RASSF3: variants seen among roughly 807,000 people sequenced by gnomAD.
The protein encoded by RASSF3 is Ras association domain family member 3, also known as ras association domain-containing protein 3.
In RASSF3, 19 loss-of-function variants were observed where a neutral mutation model predicts 19.9. The ratio of observed to expected loss-of-function variants is 0.96; its 90% CI spans 0.67 to 1.40. RASSF3 has a LOEUF of 1.40. Ranked by LOEUF, RASSF3 falls within the 40% of genes most tolerant of loss-of-function variation. The pLI is 0.00. For synonymous variants in RASSF3, 110 were observed against 104.2 expected (o/e 1.06, Z -0.34); for missense variants, 306 against 289.8 (o/e 1.06, Z -0.41).
At chr12:64,546,791 A>G (rs74631027) in intron 2 of RASSF3, among the ~76,000 whole-genome samples, 2,267 of 152,252 alleles carry the variant, frequency 0.015, 60 homozygotes, top group African/African-American at 0.051. Context: ...TCTCAACCCA[A>G]TTATAATCCC....
At chr12:64,578,963 G>A (rs925748018) in intron 2 of RASSF3, among the ~76,000 whole-genome samples, 4 of 151,966 alleles carry the variant, frequency 2.6e-5, no homozygotes, top group Non-Finnish European at 5.9e-5. Flanking sequence ...TGACCAACAA[G>A]GTGAAACAAA....
intron 1 of RASSF3, among the ~76,000 whole-genome samples, chr12:64,512,011 C>T (rs564951901): frequency 6.6e-6 from 1 of 152,272 alleles, no homozygotes; most frequent in East Asian, 1.9e-4. Context: ...ATCTGGACAA[C>T]ACAGAAACCC....
intron 2 of RASSF3, among the ~76,000 whole-genome samples, 169 bp from the exon 3 acceptor site, chr12:64,688,047 C>T (rs1366150206): frequency 6.6e-6 from 1 of 152,186 alleles, no homozygotes; most frequent in Admixed American, 6.5e-5. Flanking sequence ...GGTGTGTTAA[C>T]CGCCCTCTGA....
At chr12:64,687,933 C>T (rs1027527115) in intron 2 of RASSF3, among the ~76,000 whole-genome samples, 33 of 152,070 alleles carry the variant, frequency 2.2e-4, no homozygotes, top group Non-Finnish European at 4.3e-4. Flanking sequence ...TTGCCAGTAG[C>T]TTCAGAGGCA....
chr12:64,695,141 A>G lies in RASSF3; in HGVS notation c.*229A>G, dbSNP rs1868336664. The G allele has an allele frequency of 8.7e-6, 4 of 460,434 alleles. No individual in the cohort carries two copies. Among genetic ancestry groups the G allele is most frequent in the Non-Finnish European group, 1.6e-5 (4 of 256,750 alleles). 28.5% of individuals were successfully genotyped at this position (460,434 alleles called of 1,614,324 possible). A position where few individuals can be genotyped will look rare whatever the true frequency, so the allele number is the denominator to read the frequency against. On this transcript the variant is annotated 3_prime_UTR_variant, in exon 5 of 5. Coordinates refer to ENST00000542104, the MANE Select transcript of RASSF3 (RefSeq NM_178169.4). ...AGCACCGCAGTGTTACCTCTTGGCAAGCTGTGAACCTGTCGCCTCATCAGG... is the reference window on the plus strand; with the variant it reads ...AGCACCGCAGTGTTACCTCTTGGCAGGCTGTGAACCTGTCGCCTCATCAGG...
chr12:64,692,400 G>C (rs1868298936), intron 4 of RASSF3, among the ~76,000 whole-genome samples: 2 of 152,182 alleles, frequency 1.3e-5, no homozygotes, highest in South Asian at 4.1e-4. Context: ...TTTAAAATCT[G>C]TTAAGTGGGA....
At chr12:64,551,610 C>A (rs150614141) in intron 2 of RASSF3, among the ~76,000 whole-genome samples, 1 of 152,126 alleles carries the variant, frequency 6.6e-6, no homozygotes, top group Admixed American at 6.5e-5. Context: ...GTAATCATGT[C>A]TACTACTTAG....
At chr12:64,551,332 T>C (rs1210672290) in intron 2 of RASSF3, among the ~76,000 whole-genome samples, 9 of 152,170 alleles carry the variant, frequency 5.9e-5, no homozygotes, top group Non-Finnish European at 1.2e-4. Context: ...CCCAGCACTT[T>C]GGGAGGCTGA....
chr12:64,679,728 G>A (rs141173469), intron 1 of RASSF3, among the ~76,000 whole-genome samples: 5 of 152,318 alleles, frequency 3.3e-5, no homozygotes, highest in Non-Finnish European at 7.3e-5. Flanking sequence ...AATGAGGGAA[G>A]AGTCTAGGAT....
intron 1 of RASSF3, among the ~76,000 whole-genome samples, chr12:64,526,049 A>G (rs1868579590): frequency 6.6e-6 from 1 of 152,124 alleles, no homozygotes; most frequent in Admixed American, 6.6e-5. Flanking sequence ...TCACTATGAG[A>G]CTGCAGGTCC....
At chr12:64,595,275 C>T (rs1869982042) in intron 2 of RASSF3, among the ~76,000 whole-genome samples, 1 of 151,904 alleles carries the variant, frequency 6.6e-6, no homozygotes, top group Admixed American at 6.6e-5. Flanking sequence ...ACCATGTTGG[C>T]CAGGCTGGTC....
Position 64,593,046 on chromosome 12 carries a change from C to T in RASSF3, c.294+51341C>T, listed in dbSNP as rs1412815476. ...TTCCTCATTTGTTAATTAGAATTAC[C>T]TCATTAAAAAAATCAAGGTAGAAGT... On this transcript the variant is annotated intron_variant, in intron 2 of 5. Coordinates refer to the RASSF3 transcript ENST00000637125. Among the ~76,000 whole-genome samples, 5 of 151,808 alleles carry T rather than the reference C, an allele frequency of 3.3e-5. No homozygotes were observed. In the East Asian group the frequency reaches 5.8e-4, roughly 18 times the overall value.
At chr12:64,637,516 G>C (rs1323569965) in intron 1 of RASSF3, among the ~76,000 whole-genome samples, 1 of 148,900 alleles carries the variant, frequency 6.7e-6, no homozygotes, top group African/African-American at 2.5e-5. Context: ...TGCAACCTCT[G>C]ACTGCTGGGT....
intron 2 of RASSF3, among the ~76,000 whole-genome samples, chr12:64,604,962 A>AT (rs796196239): frequency 2.9e-4 from 43 of 145,974 alleles, no homozygotes; most frequent in Admixed American, 8.3e-4. Context: ...TTTGTCATAT[A>AT]TTTTTTTTTT....
At chr12:64,568,060 C>G (rs1185625628) in intron 2 of RASSF3, among the ~76,000 whole-genome samples, 2 of 152,178 alleles carry the variant, frequency 1.3e-5, no homozygotes, top group Non-Finnish European at 2.9e-5. Flanking sequence ...GAGATGGAGT[C>G]TCGCTCTGTT....
chr12:64,552,429 C>T (rs10878196), intron 2 of RASSF3, among the ~76,000 whole-genome samples: 145,716 of 152,198 alleles, frequency 0.96, 70,093 homozygotes, highest in East Asian at 1. Context: ...GTTACATAGG[C>T]AGATGTGTGC....
At chr12:64,612,448 T>C (rs557410801) in intron 1 of RASSF3, among the ~76,000 whole-genome samples, 1 of 152,140 alleles carries the variant, frequency 6.6e-6, no homozygotes, top group African/African-American at 2.4e-5. Flanking sequence ...AGACATCAGT[T>C]TTTTTCTAGG....
chr12:64,545,686 G>T (rs1329325188), downstream of RASSF3, among the ~76,000 whole-genome samples: 2 of 152,144 alleles, frequency 1.3e-5, no homozygotes. Context: ...CCAGCACTTC[G>T]GGAGGCCAAG....
At chr12:64,663,416 C>T (rs1240902850) in intron 1 of RASSF3, among the ~76,000 whole-genome samples, 2 of 151,898 alleles carry the variant, frequency 1.3e-5, no homozygotes, top group Non-Finnish European at 2.9e-5. Flanking sequence ...TAATGATTTC[C>T]GAAACTCTGA....
Sources: allele counts gnomAD v4.1 joint callset (sites outside exome capture counted in the v4.1 genomes callset), GRCh38; gene constraint gnomAD v4.1.1; transcripts MANE v1.5; gene names NCBI Gene and HGNC (gene_info 2026-07-23, HGNC 2026-07-21).